Variants in SMYD3 observed in about 807,000 individuals in gnomAD.
SMYD3 encodes the protein histone-lysine N-methyltransferase SMYD3.
SMYD3 carries 36 observed loss-of-function variants against 57.7 expected under a neutral mutation model. That is an observed-to-expected ratio of 0.62 (90% CI 0.48 to 0.82). SMYD3 has a LOEUF of 0.82. SMYD3 is among the 40% of genes least tolerant of loss of function. SMYD3 has a pLI of 0.00. For synonymous variants in SMYD3, 211 were observed against 195.0 expected (o/e 1.08, Z -0.68); for missense variants, 515 against 538.8 (o/e 0.96, Z 0.44).
intron 5 of SMYD3, among the ~76,000 whole-genome samples, chr1:245,986,879 C>A (rs2058716311): frequency 6.6e-6 from 1 of 152,154 alleles, no homozygotes; most frequent in African/African-American, 2.4e-5. Context: ...GTGGATACAG[C>A]AAATAAACAT....
chr1:245,880,928 G>GTGCTCAA (rs1240807512), intron 8 of SMYD3, among the ~76,000 whole-genome samples: 40 of 152,126 alleles, frequency 2.6e-4, no homozygotes, highest in Non-Finnish European at 4.4e-5. Context: ...AGAGTGTGCT[G>GTGCTCAA]AGATCAGCAC....
intron 1 of SMYD3, among the ~76,000 whole-genome samples, chr1:246,461,798 A>C (rs980323304): frequency 1.3e-4 from 19 of 151,974 alleles, no homozygotes; most frequent in Admixed American, 1.3e-4. Flanking sequence ...TCTCAGACAC[A>C]GGAAAAGTAC....
intron 10 of SMYD3, among the ~76,000 whole-genome samples, chr1:245,790,918 G>A (rs1288716545): frequency 6.6e-6 from 1 of 152,068 alleles, no homozygotes; most frequent in African/African-American, 2.4e-5. Context: ...CTTTTCAGTT[G>A]CAAAATATTA....
At chr1:246,429,399 T>C (rs1415016652) in intron 1 of SMYD3, among the ~76,000 whole-genome samples, 1 of 152,224 alleles carries the variant, frequency 6.6e-6, no homozygotes, top group African/African-American at 2.4e-5. Flanking sequence ...CTGCCAAGTA[T>C]CATCTTAAGA....
intron 5 of SMYD3, among the ~76,000 whole-genome samples, chr1:246,247,560 G>A (rs1036833404): frequency 1.3e-5 from 2 of 150,968 alleles, no homozygotes; most frequent in Admixed American, 1.3e-4. Flanking sequence ...TATCTCTTGT[G>A]CGTGGGAAAC....
chr1:245,850,521 G>A (rs1006648497), intron 10 of SMYD3, among the ~76,000 whole-genome samples: 4 of 151,914 alleles, frequency 2.6e-5, no homozygotes, highest in African/African-American at 9.7e-5. Flanking sequence ...ACAAGACCCT[G>A]CCTCTACAAA....
intron 9 of SMYD3, among the ~76,000 whole-genome samples, chr1:245,863,358 A>G (rs1024808935): frequency 6.6e-6 from 1 of 152,212 alleles, no homozygotes; most frequent in Non-Finnish European, 1.5e-5. Context: ...TGTGTCGTGC[A>G]GCAATCCCCA....
intron 1 of SMYD3, among the ~76,000 whole-genome samples, chr1:246,359,963 C>T (rs1451684992): frequency 6.6e-6 from 1 of 152,110 alleles, no homozygotes; most frequent in Non-Finnish European, 1.5e-5. Context: ...CTAGCCAGAG[C>T]AATCAGACAA....
At chr1:246,498,209 A>T (rs1408934222) in intron 1 of SMYD3, among the ~76,000 whole-genome samples, 2 of 152,242 alleles carry the variant, frequency 1.3e-5, no homozygotes. Flanking sequence ...CAGCAACAAT[A>T]TAAAAATACA....
In SMYD3 at chr1:246,225,321, C is replaced by CAAAAAAAAAAAAA. The variant is rs60915002; in HGVS notation, c.531+101867_531+101879dup. Among the ~76,000 whole-genome samples, 465 of 76,140 alleles carry CAAAAAAAAAAAAA rather than the reference C, an allele frequency of 6.1e-3. 93 individuals carry two copies. Among genetic ancestry groups the CAAAAAAAAAAAAA allele is most frequent in the Middle Eastern group, 0.029 (2 of 68 alleles). 50.0% of individuals were successfully genotyped at this position (76,140 alleles called of 152,430 possible). A position where few individuals can be genotyped will look rare whatever the true frequency, so the allele number is the denominator to read the frequency against. On this transcript the variant is annotated intron_variant, in intron 5 of 11. Transcript: ENST00000490107. Reference sequence around the variant, plus strand: ...GTTATGTGGAAGACTGCTGAAAAGTCAAAAAAAAAAAAAAAAAAAAAAAAA... The same window carrying CAAAAAAAAAAAAA: ...GTTATGTGGAAGACTGCTGAAAAGTCAAAAAAAAAAAAAAAAAAAAAAAAAAAAAAAAAAAAAA...
intron 5 of SMYD3, among the ~76,000 whole-genome samples, chr1:246,038,164 G>GA (rs2059809402): frequency 6.6e-6 from 1 of 152,148 alleles, no homozygotes; most frequent in Non-Finnish European, 1.5e-5. Flanking sequence ...TCCCAGTTTA[G>GA]TTTTTTACTT....
chr1:245,943,718 G>T (rs1040618938), intron 5 of SMYD3, among the ~76,000 whole-genome samples: 1 of 152,174 alleles, frequency 6.6e-6, no homozygotes, highest in Non-Finnish European at 1.5e-5. Flanking sequence ...ATGAACATCA[G>T]TGTGAAAATC....
intron 5 of SMYD3, among the ~76,000 whole-genome samples, chr1:246,154,722 G>A (rs1210931914): frequency 6.6e-6 from 1 of 151,662 alleles, no homozygotes; most frequent in Non-Finnish European, 1.5e-5. Context: ...CAATGACAAT[G>A]TATGAAATAC....
At chr1:246,065,024 T>G (rs557243488) in intron 5 of SMYD3, among the ~76,000 whole-genome samples, 1 of 152,348 alleles carries the variant, frequency 6.6e-6, no homozygotes, top group African/African-American at 2.4e-5. Context: ...TGTGCATGGT[T>G]TTTTCCAAAG....
At chr1:245,998,461 T>C (rs557754924) in intron 5 of SMYD3, among the ~76,000 whole-genome samples, 51 of 152,324 alleles carry the variant, frequency 3.3e-4, no homozygotes, top group African/African-American at 1.2e-3. Flanking sequence ...AATATTTCCA[T>C]GTGACAACCA....
At chr1:246,105,373 C>CA (rs770623454) in intron 5 of SMYD3, among the ~76,000 whole-genome samples, 22 of 149,876 alleles carry the variant, frequency 1.5e-4, no homozygotes, top group African/African-American at 3.9e-4. Flanking sequence ...TTTATTTCAC[C>CA]AAAAAAAAAG....
At chr1:245,821,035 G>GA (rs1270114797) in intron 10 of SMYD3, among the ~76,000 whole-genome samples, 1 of 150,600 alleles carries the variant, frequency 6.6e-6, no homozygotes, top group Admixed American at 6.6e-5. Flanking sequence ...CACAGAATTG[G>GA]AAAAAAACTA....
intron 5 of SMYD3, among the ~76,000 whole-genome samples, chr1:246,279,496 G>C (rs1210564817): frequency 6.6e-6 from 1 of 152,120 alleles, no homozygotes; most frequent in Non-Finnish European, 1.5e-5. Flanking sequence ...ACTCCAGCCT[G>C]GCGACAGAGT....
intron 5 of SMYD3, among the ~76,000 whole-genome samples, chr1:246,232,215 G>T (rs747585808): frequency 6.6e-6 from 1 of 152,144 alleles, no homozygotes; most frequent in Admixed American, 6.6e-5. Flanking sequence ...TGGATCACTG[G>T]ACTGAAAATA....
Sources: gnomAD v4.1 joint callset for allele counts (sites outside exome capture counted in the v4.1 genomes callset) on GRCh38, gnomAD v4.1.1 for gene constraint, MANE v1.5 for transcripts, NCBI Gene and HGNC (gene_info 2026-07-23, HGNC 2026-07-21) for gene names.